The following B4GALT5 variants were observed in gnomAD, a reference collection of about 807,000 sequenced individuals.
The protein encoded by B4GALT5 is UDP-Gal:beta-GlcNAc beta-1,4-galactosyltransferase 5.
B4GALT5 carries 11 observed loss-of-function variants against 45.0 expected under a neutral mutation model. The ratio of observed to expected loss-of-function variants is 0.24; its 90% CI spans 0.15 to 0.40. The LOEUF (loss-of-function observed/expected upper bound fraction) is 0.40, where lower values mean the gene tolerates loss of function less well. B4GALT5 is among the 10% of genes least tolerant of loss of function. The pLI is 1.00. For missense variants in B4GALT5, 337 were observed against 500.2 expected (o/e 0.67, Z 3.11); for synonymous variants, 185 against 182.9 (o/e 1.01, Z -0.09).
At chr20:49,637,578 T>C in intron 7 of B4GALT5, 136 bp from the exon 8 acceptor site, 1 of 645,268 alleles carries the variant, frequency 1.5e-6, no homozygotes, top group South Asian at 1.8e-5. Flanking sequence ...ACTGACTCAT[T>C]GTGTCATTTC....
intron 2 of B4GALT5, among the ~76,000 whole-genome samples, chr20:49,653,695 T>C (rs1024533649): frequency 2.6e-5 from 4 of 152,228 alleles, no homozygotes; most frequent in African/African-American, 9.6e-5. Flanking sequence ...AAGTCAAGTA[T>C]CTAATAAACA....
At chr20:49,691,809 G>GT (rs2085813687) in intron 1 of B4GALT5, among the ~76,000 whole-genome samples, 1 of 152,086 alleles carries the variant, frequency 6.6e-6, no homozygotes, top group Admixed American at 6.5e-5. Flanking sequence ...ATGCTTCGCT[G>GT]TATTTCCCAA....
chr20:49,690,288 G>A (rs149732460), intron 1 of B4GALT5, among the ~76,000 whole-genome samples: 3 of 152,324 alleles, frequency 2.0e-5, no homozygotes, highest in Admixed American at 1.3e-4. Flanking sequence ...TTACAGGCAT[G>A]AGCCATCATG....
intron 1 of B4GALT5, among the ~76,000 whole-genome samples, chr20:49,682,482 G>T (rs575342401): frequency 1.3e-5 from 2 of 152,208 alleles, no homozygotes; most frequent in African/African-American, 4.8e-5. Context: ...GTCCTGTCCT[G>T]AAGATACCCA....
At chr20:49,636,859 A>G (rs902453983) in intron 8 of B4GALT5, among the ~76,000 whole-genome samples, 2 of 151,746 alleles carry the variant, frequency 1.3e-5, no homozygotes, top group Admixed American at 6.6e-5. Context: ...GAATTTCAGC[A>G]ATTAGAATTG....
intron 1 of B4GALT5, among the ~76,000 whole-genome samples, chr20:49,673,295 G>A (rs1213800194): frequency 2.6e-5 from 4 of 151,862 alleles, no homozygotes; most frequent in African/African-American, 4.8e-5. Context: ...CAGGAGAATC[G>A]CTTGAACCCA....
intron 3 of B4GALT5, among the ~76,000 whole-genome samples, chr20:49,644,662 T>C (rs1444162719): frequency 6.6e-6 from 1 of 152,192 alleles, no homozygotes; most frequent in Non-Finnish European, 1.5e-5. Context: ...ATCTCAGCCT[T>C]CCCAAACTAA....
chr20:49,672,476 A>G (rs2085720054), intron 1 of B4GALT5, among the ~76,000 whole-genome samples: 1 of 152,230 alleles, frequency 6.6e-6, no homozygotes, highest in African/African-American at 2.4e-5. Flanking sequence ...TGTCTTTTGC[A>G]TATATCAACT....
At chr20:49,701,614 G>A (rs2085862444) in intron 1 of B4GALT5, among the ~76,000 whole-genome samples, 1 of 151,944 alleles carries the variant, frequency 6.6e-6, no homozygotes, top group Non-Finnish European at 1.5e-5. Context: ...AGAATATTCT[G>A]GTGAATAAAG....
intron 1 of B4GALT5, among the ~76,000 whole-genome samples, chr20:49,708,291 T>C (rs1334024316): frequency 6.6e-6 from 1 of 152,146 alleles, no homozygotes; most frequent in African/African-American, 2.4e-5. Flanking sequence ...AGGACCAATG[T>C]TTATGTAGAA....
At chr20:49,676,293 A>C (rs1434543436) in intron 1 of B4GALT5, among the ~76,000 whole-genome samples, 1 of 152,196 alleles carries the variant, frequency 6.6e-6, no homozygotes, top group Non-Finnish European at 1.5e-5. Context: ...AGCACTGACT[A>C]CAACCTTCTA....
chr20:49,654,611 A>G (rs1368115706), intron 2 of B4GALT5, among the ~76,000 whole-genome samples: 1 of 152,230 alleles, frequency 6.6e-6, no homozygotes, highest in Non-Finnish European at 1.5e-5. Flanking sequence ...CAATTCTTTT[A>G]AGAGAGGCAA....
chr20:49,650,017 T>C (rs1458762774), intron 2 of B4GALT5, among the ~76,000 whole-genome samples: 1 of 152,138 alleles, frequency 6.6e-6, no homozygotes, highest in Non-Finnish European at 1.5e-5. Context: ...GCCCTAGAGC[T>C]AGAACCTAAT....
At chr20:49,639,359 G>GGTGTGT (rs34688851) in intron 7 of B4GALT5, among the ~76,000 whole-genome samples, 5 of 149,326 alleles carry the variant, frequency 3.3e-5, no homozygotes, top group Non-Finnish European at 6.0e-5. Context: ...GGATGTGTGT[G>GGTGTGT]GTGTGTGTGT....
intron 1 of B4GALT5, among the ~76,000 whole-genome samples, chr20:49,657,827 A>G (rs1259482624): frequency 6.6e-6 from 1 of 152,226 alleles, no homozygotes; most frequent in African/African-American, 2.4e-5. Flanking sequence ...TGCGCAGCAA[A>G]CAATGACTGA....
intron 4 of B4GALT5, 90 bp from the exon 5 acceptor site, chr20:49,642,674 A>G: frequency 1.2e-6 from 1 of 841,996 alleles, no homozygotes; most frequent in Admixed American, 2.4e-5. Context: ...TGACCAACCC[A>G]TGGGAGTTCT....
intron 1 of B4GALT5, among the ~76,000 whole-genome samples, chr20:49,712,546 T>A (rs2085918335): frequency 6.6e-6 from 1 of 152,064 alleles, no homozygotes. Flanking sequence ...GAGTACCCAT[T>A]ACATCTTTCC....
intron 6 of B4GALT5, among the ~76,000 whole-genome samples, chr20:49,640,187 T>C (rs1038823486): frequency 6.6e-6 from 1 of 152,240 alleles, no homozygotes; most frequent in African/African-American, 2.4e-5. Context: ...TTTCTGTCAC[T>C]ATAGATTTGC....
intron 2 of B4GALT5, among the ~76,000 whole-genome samples, chr20:49,654,116 C>G (rs1042050898): frequency 6.6e-6 from 1 of 152,208 alleles, no homozygotes; most frequent in Non-Finnish European, 1.5e-5. Flanking sequence ...CACAAATGTT[C>G]CCTTACTCAG....
Sources: allele counts gnomAD v4.1 joint callset (sites outside exome capture counted in the v4.1 genomes callset), GRCh38; gene constraint gnomAD v4.1.1; transcripts MANE v1.5; gene names NCBI Gene and HGNC (gene_info 2026-07-23, HGNC 2026-07-21).